The following POLD3 variants were observed in gnomAD, a reference collection of about 807,000 sequenced individuals.
POLD3 encodes the protein DNA polymerase delta 3, accessory subunit, also known as DNA polymerase delta subunit 3.
In POLD3, 19 loss-of-function variants were observed where a neutral mutation model predicts 58.2. The ratio of observed to expected loss-of-function variants is 0.33; its 90% CI spans 0.23 to 0.48. The LOEUF is 0.48. Ranked by LOEUF, POLD3 falls within the 20% of genes least tolerant of loss-of-function variation. The probability of loss-of-function intolerance (pLI) is 0.99; values close to 1 mark genes in which losing one functional copy is unlikely to be tolerated. For synonymous variants in POLD3, 172 were observed against 193.5 expected (o/e 0.89, Z 0.92); for missense variants, 504 against 545.5 (o/e 0.92, Z 0.76).
chr11:74,649,441 C>T (rs1202223144), intron 4 of POLD3, among the ~76,000 whole-genome samples: 1 of 152,034 alleles, frequency 6.6e-6, no homozygotes, highest in Non-Finnish European at 1.5e-5. Context: ...TTTCCAGTGG[C>T]GTGGAGTGTT....
intron 5 of POLD3, 27 bp downstream of exon 5, chr11:74,613,037 C>T: frequency 6.3e-7 from 1 of 1,590,054 alleles, no homozygotes; most frequent in Non-Finnish European, 8.5e-7. Flanking sequence ...TCCTTGTGGG[C>T]TTCTTTACGA....
chr11:74,634,550 G>T (rs2032690198), intron 9 of POLD3, 33 bp from the exon 10 acceptor site: 2 of 1,155,994 alleles, frequency 1.7e-6, no homozygotes, highest in African/African-American at 3.0e-5. Flanking sequence ...AGTGCTTGTA[G>T]TTCTCTGATC....
In POLD3 at chr11:74,625,534, A is replaced by G; in HGVS notation, c.860A>G (p.Lys287Arg). Residue 287 changes from lysine to arginine, a missense_variant, in exon 8 of 12, where the codon AAA (lysine) becomes AGA (arginine). Transcript: ENST00000263681. ...TPAGLKKSSK[K>R]AEPVKVLQKE... is the part of the protein sequence containing the mutation. The stretch of plus-strand genomic sequence containing the variant: ...GCAGGCCTGAAAAAATCCAGCAAAA[A>G]AGCAGAGCCTGTTAAGGTGCTGCAG... 1 of 1,613,770 alleles carries G rather than the reference A, an allele frequency of 6.2e-7. No homozygotes were observed.
chr11:74,646,904 G>A (rs2033005363), downstream of POLD3, among the ~76,000 whole-genome samples: 1 of 152,214 alleles, frequency 6.6e-6, no homozygotes, highest in African/African-American at 2.4e-5. Flanking sequence ...CAGTGCAGTG[G>A]TCCCCAACCT....
At chr11:74,617,197 G>C (rs551659114) in intron 5 of POLD3, among the ~76,000 whole-genome samples, 8 of 152,312 alleles carry the variant, frequency 5.3e-5, no homozygotes, top group African/African-American at 1.9e-4. Flanking sequence ...ATGGATTTGT[G>C]TGAAACGGCA....
intron 6 of POLD3, among the ~76,000 whole-genome samples, chr11:74,619,583 T>C (rs913685577): frequency 6.6e-6 from 1 of 152,190 alleles, no homozygotes. Flanking sequence ...AACTGAAACC[T>C]AGACTTAAGT....
intron 3 of POLD3, 75 bp from the exon 4 acceptor site, chr11:74,611,424 T>C (rs781099261): frequency 5.9e-6 from 5 of 849,904 alleles, no homozygotes; most frequent in Non-Finnish European, 1.0e-5. Context: ...CCAAGCACAA[T>C]TGAATTATTG....
intron 4 of POLD3, among the ~76,000 whole-genome samples, chr11:74,663,435 G>C (rs1029986230): frequency 3.3e-5 from 5 of 152,200 alleles, no homozygotes; most frequent in African/African-American, 1.2e-4. Flanking sequence ...CTTGTAATAA[G>C]ACAGAGGTGA....
chr11:74,619,714 T>C (rs2032193245), intron 6 of POLD3, among the ~76,000 whole-genome samples: 1 of 152,228 alleles, frequency 6.6e-6, no homozygotes, highest in African/African-American at 2.4e-5. Context: ...GCCTCTGATC[T>C]TTTTTAATTC....
chr11:74,622,099 C>G (rs1166446586), intron 7 of POLD3, among the ~76,000 whole-genome samples: 2 of 151,070 alleles, frequency 1.3e-5, no homozygotes, highest in Admixed American at 1.3e-4. Flanking sequence ...CAATTCCCAC[C>G]TATGAGTGAG....
chr11:74,663,345 T>C (rs1223866575), intron 4 of POLD3, among the ~76,000 whole-genome samples: 3 of 152,274 alleles, frequency 2.0e-5, no homozygotes, highest in Non-Finnish European at 4.4e-5. Context: ...ATCAAATTTC[T>C]AGTAGGCTTT....
intron 2 of POLD3, among the ~76,000 whole-genome samples, chr11:74,598,771 CAG>C (rs1414123891): frequency 6.6e-6 from 1 of 152,080 alleles, no homozygotes; most frequent in Non-Finnish European, 1.5e-5. Flanking sequence ...CATAGAAGCT[CAG>C]GGCTCCAAAA....
intron 4 of POLD3, among the ~76,000 whole-genome samples, chr11:74,658,470 A>G (rs996301733): frequency 3.9e-5 from 6 of 152,138 alleles, no homozygotes; most frequent in Non-Finnish European, 7.4e-5. Flanking sequence ...CAGTCCCCCA[A>G]AGTCTTAACT....
At chr11:74,592,855 G>T in intron 1 of POLD3, 137 bp downstream of exon 1, 1 of 1,495,998 alleles carries the variant, frequency 6.7e-7, no homozygotes, top group Non-Finnish European at 8.9e-7. Context: ...GGGGACCTGG[G>T]CGAGCTCTGT....
At chr11:74,600,686 CAA>C (rs1452310576) in intron 2 of POLD3, among the ~76,000 whole-genome samples, 1 of 144,658 alleles carries the variant, frequency 6.9e-6, no homozygotes, top group African/African-American at 2.5e-5. Flanking sequence ...TTTAAAGACT[CAA>C]AAAGTAGGCA....
At chr11:74,645,960 A>G (rs1460732081), downstream of POLD3, among the ~76,000 whole-genome samples, 1 of 150,020 alleles carries the variant, frequency 6.7e-6, no homozygotes, top group Non-Finnish European at 1.5e-5. Flanking sequence ...TTTTTTTAAG[A>G]CAGAGTCTCG....
chr11:74,599,554 G>A (rs2031407913), intron 2 of POLD3, among the ~76,000 whole-genome samples: 1 of 151,712 alleles, frequency 6.6e-6, no homozygotes, highest in African/African-American at 2.4e-5. Flanking sequence ...AGTAGAGACA[G>A]GGTTTCACGA....
At chr11:74,624,587 GC>G (rs2032374649) in intron 7 of POLD3, among the ~76,000 whole-genome samples, 2 of 152,144 alleles carry the variant, frequency 1.3e-5, no homozygotes, top group Non-Finnish European at 2.9e-5. Flanking sequence ...AGTATTTTGT[GC>G]CTTTACTTGT....
At chr11:74,608,261 A>G (rs542571554) in intron 3 of POLD3, among the ~76,000 whole-genome samples, 13 of 152,142 alleles carry the variant, frequency 8.5e-5, no homozygotes, top group Non-Finnish European at 1.6e-4. Context: ...GACTGCAGAC[A>G]TGCACCACCA....
Sources: gnomAD v4.1 joint callset for allele counts (sites outside exome capture counted in the v4.1 genomes callset) on GRCh38, gnomAD v4.1.1 for gene constraint, MANE v1.5 for transcripts, NCBI Gene and HGNC (gene_info 2026-07-23, HGNC 2026-07-21) for gene names.